The following MYO3B variants were observed in gnomAD, a reference collection of about 807,000 sequenced individuals.
MYO3B encodes myosin IIIB.
MYO3B carries 156 observed loss-of-function variants against 174.6 expected under a neutral mutation model. The ratio of observed to expected loss-of-function variants is 0.89; its 90% CI spans 0.78 to 1.02. MYO3B has a LOEUF of 1.02. MYO3B is among the 50% of genes least tolerant of loss of function. The pLI, the probability that MYO3B is intolerant of heterozygous loss-of-function variation, is 0.00. For synonymous variants in MYO3B, 563 were observed against 569.1 expected, an observed-to-expected ratio of 0.99 and a Z score of 0.15; for missense variants, 1,632 against 1,639.4, an observed-to-expected ratio of 1.00 and a Z score of 0.08.
chr2:170,651,819 C>CCGGGGGGGGG, intron 33 of MYO3B, 85 bp downstream of exon 33: 1 of 1,081,954 alleles, frequency 9.2e-7, no homozygotes, highest in Non-Finnish European at 1.4e-6. Flanking sequence ...CCAGCCCCTG[C>CCGGGGGGGGG]AGCCCCACCC....
intron 24 of MYO3B, among the ~76,000 whole-genome samples, chr2:170,464,596 G>T (rs1684503463): frequency 6.6e-6 from 1 of 152,120 alleles, no homozygotes; most frequent in Non-Finnish European, 1.5e-5. Context: ...CTAGCCAATT[G>T]TGCTTCAGAG....
chr2:170,322,341 G>C (rs2093834428), intron 7 of MYO3B, among the ~76,000 whole-genome samples: 1 of 152,172 alleles, frequency 6.6e-6, no homozygotes, highest in Non-Finnish European at 1.5e-5. Flanking sequence ...TTAAAGAGAA[G>C]ACATGCTTAC....
chr2:170,231,460 A>T (rs2093015491), intron 6 of MYO3B, among the ~76,000 whole-genome samples: 1 of 152,266 alleles, frequency 6.6e-6, no homozygotes, highest in Non-Finnish European at 1.5e-5. Context: ...GGCCTTGGGC[A>T]CTAAAGCTGC....
At chr2:170,525,015 T>A (rs1688915772) in intron 30 of MYO3B, among the ~76,000 whole-genome samples, 1 of 152,188 alleles carries the variant, frequency 6.6e-6, no homozygotes, top group Admixed American at 6.5e-5. Context: ...CAAGGCTTTT[T>A]CTCTCTACCC....
chr2:170,236,820 A>C (rs2093076039), intron 7 of MYO3B, among the ~76,000 whole-genome samples: 1 of 152,186 alleles, frequency 6.6e-6, no homozygotes, highest in South Asian at 2.1e-4. Context: ...TTGAGAGATA[A>C]TTTGTACCTT....
chr2:170,235,533 G>A (rs4667629), intron 6 of MYO3B, among the ~76,000 whole-genome samples: 152,172 of 152,350 alleles, frequency 1, 75,997 homozygotes, highest in Middle Eastern at 1. Flanking sequence ...TAACCATGTG[G>A]GTCTTCCAAC....
At chr2:170,535,386 A>G (rs1689622871) in intron 30 of MYO3B, among the ~76,000 whole-genome samples, 1 of 152,196 alleles carries the variant, frequency 6.6e-6, no homozygotes. Context: ...AATAGTCCAT[A>G]GACACAAGAT....
chr2:170,621,008 C>T (rs1218542884), intron 32 of MYO3B, among the ~76,000 whole-genome samples: 1 of 151,974 alleles, frequency 6.6e-6, no homozygotes, highest in Non-Finnish European at 1.5e-5. Context: ...CCTGCCTCAG[C>T]CTCCCGAGTA....
At chr2:170,208,266 T>C (rs1000904947) in intron 3 of MYO3B, among the ~76,000 whole-genome samples, 3 of 152,186 alleles carry the variant, frequency 2.0e-5, no homozygotes, top group African/African-American at 7.2e-5. Flanking sequence ...ATGGACTCCT[T>C]ATCATAAGCC....
At chr2:170,514,153 G>T (rs1383315965) in intron 28 of MYO3B, among the ~76,000 whole-genome samples, 1 of 152,188 alleles carries the variant, frequency 6.6e-6, no homozygotes, top group Non-Finnish European at 1.5e-5. Context: ...AAAGTCAGGA[G>T]ATCCAATGGA....
intron 25 of MYO3B, among the ~76,000 whole-genome samples, chr2:170,470,469 C>A (rs978818881): frequency 2.0e-5 from 3 of 151,940 alleles, no homozygotes; most frequent in Non-Finnish European, 4.4e-5. Flanking sequence ...TATCCCATTG[C>A]ATGAATATAT....
chr2:170,620,949 C>T (rs893794760), intron 32 of MYO3B, among the ~76,000 whole-genome samples: 2 of 152,018 alleles, frequency 1.3e-5, no homozygotes, highest in East Asian at 1.9e-4. Flanking sequence ...AGTGCAGTGG[C>T]GGGATCTCGG....
In MYO3B at chr2:170,641,784, A is replaced by G. The variant is rs531152821; in HGVS notation, c.3734-9844A>G. Among the ~76,000 whole-genome samples, 12 of 149,804 alleles carry G rather than the reference A, an allele frequency of 8.0e-5. No homozygotes were observed. In the South Asian group the frequency reaches 2.6e-3, roughly 32 times the overall value. ...AGGTTCATTTATTACCTTTTCAAAA[A>G]GTAACTCTAAAAGAAACATACTATT... On this transcript the variant is annotated intron_variant, in intron 32 of 34. Coordinates refer to ENST00000408978, the MANE Select transcript of MYO3B (RefSeq NM_138995.5).
intron 25 of MYO3B, among the ~76,000 whole-genome samples, chr2:170,467,256 AAAGT>A (rs1488712743): frequency 6.6e-6 from 1 of 152,212 alleles, no homozygotes; most frequent in Non-Finnish European, 1.5e-5. Context: ...GTATGAAAAG[AAAGT>A]AAGTGATTTT....
chr2:170,488,621 TTATATGA>T (rs1686225434), intron 25 of MYO3B, among the ~76,000 whole-genome samples: 1 of 152,192 alleles, frequency 6.6e-6, no homozygotes, highest in Non-Finnish European at 1.5e-5. Context: ...GTAGCATAGC[TTATATGA>T]AATAAAAGAA....
intron 1 of MYO3B, among the ~76,000 whole-genome samples, chr2:170,197,193 T>C (rs2092611032): frequency 6.6e-6 from 1 of 151,990 alleles, no homozygotes; most frequent in African/African-American, 2.4e-5. Context: ...TCCCACCCGT[T>C]TCTTCAAACT....
At chr2:170,213,018 C>T (rs532480119) in intron 3 of MYO3B, among the ~76,000 whole-genome samples, 12 of 152,232 alleles carry the variant, frequency 7.9e-5, no homozygotes, top group Non-Finnish European at 1.6e-4. Context: ...GCATATACAG[C>T]ATGCTGCCTA....
At chr2:170,547,553 T>C (rs1349153971) in intron 32 of MYO3B, among the ~76,000 whole-genome samples, 1 of 152,226 alleles carries the variant, frequency 6.6e-6, no homozygotes, top group Non-Finnish European at 1.5e-5. Context: ...CTTCTACTTA[T>C]ATTTATTTAT....
chr2:170,218,483 G>A (rs912956840), intron 6 of MYO3B, among the ~76,000 whole-genome samples: 2 of 152,126 alleles, frequency 1.3e-5, no homozygotes, highest in African/African-American at 4.8e-5. Flanking sequence ...ACTTTTATGA[G>A]ACAAATGATA....
Sources: gnomAD v4.1 joint callset for allele counts (sites outside exome capture counted in the v4.1 genomes callset) on GRCh38, gnomAD v4.1.1 for gene constraint, MANE v1.5 for transcripts, NCBI Gene and HGNC (gene_info 2026-07-23, HGNC 2026-07-21) for gene names.